Variants in FOXP1 observed in about 807,000 individuals in gnomAD.
The protein encoded by FOXP1 is forkhead box P1.
A neutral mutation model predicts 98.2 loss-of-function variants in FOXP1; 15 were observed. The observed-to-expected ratio is 0.15, with a 90% CI of 0.10 to 0.24. FOXP1 has a LOEUF of 0.24. Ranked by LOEUF, FOXP1 falls within the 10% of genes least tolerant of loss-of-function variation. The probability of loss-of-function intolerance (pLI) is 1.00; values close to 1 mark genes in which losing one functional copy is unlikely to be tolerated. For synonymous variants in FOXP1, 371 were observed against 314.5 expected (o/e 1.18, Z -1.90); for missense variants, 633 against 848.5 (o/e 0.75, Z 3.15).
intron 2 of FOXP1, chr3:71,580,865 G>A (rs1402499108): frequency 2.0e-6 from 2 of 985,372 alleles, no homozygotes; most frequent in Non-Finnish European, 2.4e-6. Flanking sequence ...CCTTTCAAAG[G>A]GAATCCAGAA....
intron 2 of FOXP1, among the ~76,000 whole-genome samples, chr3:71,548,456 A>G (rs958494843): frequency 1.3e-5 from 2 of 152,096 alleles, no homozygotes; most frequent in Non-Finnish European, 2.9e-5. Context: ...CCCAGGCTGG[A>G]GTGCAGTGGC....
chr3:71,110,832 G>A (rs937605246), intron 7 of FOXP1, among the ~76,000 whole-genome samples: 1 of 152,150 alleles, frequency 6.6e-6, no homozygotes, highest in Non-Finnish European at 1.5e-5. Context: ...GCACAACAAA[G>A]CACTTCTTAT....
chr3:71,173,875 T>C (rs2061779998), intron 6 of FOXP1, among the ~76,000 whole-genome samples: 1 of 152,064 alleles, frequency 6.6e-6, no homozygotes, highest in African/African-American at 2.4e-5. Flanking sequence ...CCAACCATGG[T>C]GGGAAGGATG....
At chr3:71,550,279 C>T (rs1439339283) in intron 2 of FOXP1, among the ~76,000 whole-genome samples, 2 of 152,156 alleles carry the variant, frequency 1.3e-5, no homozygotes, top group East Asian at 3.8e-4. Context: ...GTTGAGAGCA[C>T]AAACCCTTCA....
chr3:71,045,115 T>C (rs2048848231), intron 10 of FOXP1, among the ~76,000 whole-genome samples: 1 of 152,210 alleles, frequency 6.6e-6, no homozygotes, highest in African/African-American at 2.4e-5. Flanking sequence ...GAAATATTTA[T>C]ATTTACATTT....
intron 4 of FOXP1, among the ~76,000 whole-genome samples, chr3:71,345,164 C>G (rs1326415452): frequency 6.6e-6 from 1 of 151,964 alleles, no homozygotes; most frequent in African/African-American, 2.4e-5. Flanking sequence ...CCAAGGCAGG[C>G]AGATCTCAAA....
chr3:71,209,817 TAC>T (rs1468916684), intron 5 of FOXP1, among the ~76,000 whole-genome samples: 2 of 152,246 alleles, frequency 1.3e-5, no homozygotes, highest in Non-Finnish European at 2.9e-5. Flanking sequence ...CAATCTATTT[TAC>T]AGATACTTTA....
At chr3:71,102,574 G>T (rs1203812724) in intron 7 of FOXP1, among the ~76,000 whole-genome samples, 2 of 152,208 alleles carry the variant, frequency 1.3e-5, no homozygotes, top group Admixed American at 1.3e-4. Context: ...AGAGCTGTCT[G>T]CAGGCTTTGA....
At chr3:71,084,226 G>A (rs996200190) in intron 7 of FOXP1, among the ~76,000 whole-genome samples, 2 of 151,992 alleles carry the variant, frequency 1.3e-5, no homozygotes, top group South Asian at 4.1e-4. Flanking sequence ...CAAGCCCTGG[G>A]AATTTCTTCA....
chr3:71,001,502 A>T (rs2042122533), intron 12 of FOXP1, among the ~76,000 whole-genome samples: 1 of 152,166 alleles, frequency 6.6e-6, no homozygotes, highest in Non-Finnish European at 1.5e-5. Flanking sequence ...CATTCACGTG[A>T]ATGTCAGAAA....
chr3:70,981,890 G>A (rs1181010853), intron 14 of FOXP1, among the ~76,000 whole-genome samples: 1 of 152,198 alleles, frequency 6.6e-6, no homozygotes, highest in African/African-American at 2.4e-5. Context: ...AGGGAAGGAA[G>A]AAGAAAAAGC....
intron 12 of FOXP1, among the ~76,000 whole-genome samples, chr3:71,007,869 G>A (rs1040829293): frequency 8.5e-5 from 13 of 152,168 alleles, no homozygotes; most frequent in African/African-American, 2.7e-4. Flanking sequence ...AAGGGTCAAA[G>A]TTCCATTTCT....
At chr3:71,583,848 C>A, upstream of FOXP1, 8 of 986,246 alleles carry the variant, frequency 8.1e-6, no homozygotes, top group Non-Finnish European at 9.6e-6. Flanking sequence ...AGCACCGGCC[C>A]GGGGGCGCAC....
In FOXP1 at chr3:71,065,103, C is replaced by T. The variant is rs991235500; in HGVS notation, c.283-11330G>A. ...GCCCCGCGCCCGCGCGCCCCGGCCC[C>T]CTCCGCGCGGCAGGTGAAATCACGC... On this transcript the variant is annotated intron_variant, in intron 7 of 20. Coordinates refer to ENST00000649528, the MANE Select transcript of FOXP1 (RefSeq NM_001349338.3). Among the ~76,000 whole-genome samples, 6 of 149,970 alleles carry T rather than the reference C, an allele frequency of 4.0e-5. 1 individual carries two copies. The highest frequency in any genetic ancestry group is 6.4e-3 in the Middle Eastern group (2 of 314).
In FOXP1 at chr3:70,962,844, G is replaced by C. The variant is rs1028641388; in HGVS notation, c.1889+3046C>G. On this transcript the variant is annotated intron_variant, in intron 20 of 20. Coordinates refer to ENST00000649528, the MANE Select transcript of FOXP1 (RefSeq NM_001349338.3). ...AACCATCCATCTCCATCTTAATGAAGTTCTTGCTGTATAATTTTAGACTTT... is the reference window on the plus strand; with the variant it reads ...AACCATCCATCTCCATCTTAATGAACTTCTTGCTGTATAATTTTAGACTTT... Among the ~76,000 whole-genome samples the C allele has an allele frequency of 2.0e-5, 3 of 152,166 alleles. No individual in the cohort carries two copies. In the East Asian group the frequency reaches 5.8e-4, roughly 29 times the overall value.
rs115676268 is a variant in FOXP1, at chr3:71,338,716, C to T, written c.-73+20434G>A. 4.5e-3 allele frequency among the ~76,000 whole-genome samples: 680 copies of T among 152,066 alleles called. 3 individuals carry two copies. The highest frequency in any genetic ancestry group is 7.0e-3 in the Non-Finnish European group (478 of 67,990). On this transcript the variant is annotated intron_variant, in intron 4 of 20. Transcript: ENST00000649528. ...TACAGGCATGAGACACTATGCCTGGCCAATATTTTTCTTTAAAATAATATA... is the reference window on the plus strand; with the variant it reads ...TACAGGCATGAGACACTATGCCTGGTCAATATTTTTCTTTAAAATAATATA...
rs1480490492 is a variant in FOXP1, at chr3:71,193,475, T to G, written c.180+4727A>C. ...TATTTGTTTTTTTTTTTTAGACATA[T>G]TCTCACTTTGTCGCCCAGGCTGGAG... On this transcript the variant is annotated intron_variant, in intron 6 of 20. Coordinates refer to ENST00000649528, the MANE Select transcript of FOXP1 (RefSeq NM_001349338.3). 5.3e-5 allele frequency among the ~76,000 whole-genome samples: 4 copies of G among 75,322 alleles called. 1 individual carries two copies. Among genetic ancestry groups the G allele is most frequent in the Admixed American group, 4.1e-4 (3 of 7,310 alleles). The allele number at this position is 75,322 out of a possible 152,430, so 49.4% of individuals were successfully genotyped here.
At chr3:70,985,199 G>A (rs533466756) in intron 14 of FOXP1, among the ~76,000 whole-genome samples, 2 of 152,282 alleles carry the variant, frequency 1.3e-5, no homozygotes, top group African/African-American at 4.8e-5. Context: ...CCTGGTGACT[G>A]CCTGTTTCAA....
At chr3:71,232,085 G>A (rs968494617) in intron 5 of FOXP1, among the ~76,000 whole-genome samples, 4 of 152,232 alleles carry the variant, frequency 2.6e-5, no homozygotes, top group Non-Finnish European at 5.9e-5. Flanking sequence ...TCTGAAGAAA[G>A]AGCATGTGTT....
Sources: gnomAD v4.1 joint callset for allele counts (sites outside exome capture counted in the v4.1 genomes callset) on GRCh38, gnomAD v4.1.1 for gene constraint, MANE v1.5 for transcripts, NCBI Gene and HGNC (gene_info 2026-07-23, HGNC 2026-07-21) for gene names.